The following SPHKAP variants were observed in gnomAD, a reference collection of about 807,000 sequenced individuals.
The protein encoded by SPHKAP is A-kinase anchor protein SPHKAP.
Under a neutral mutation model 137.5 loss-of-function variants are expected in SPHKAP, and 67 were observed. The observed-to-expected ratio is 0.49, with a 90% CI of 0.40 to 0.60. The LOEUF (loss-of-function observed/expected upper bound fraction) is 0.60, where lower values mean the gene tolerates loss of function less well. SPHKAP is among the 20% of genes least tolerant of loss of function. The pLI, the probability that SPHKAP is intolerant of heterozygous loss-of-function variation, is 0.00. For missense variants in SPHKAP, 2,097 were observed against 2,069.3 expected, an observed-to-expected ratio of 1.01 and a Z score of -0.26; for synonymous variants, 813 against 785.3, an observed-to-expected ratio of 1.04 and a Z score of -0.59.
intron 7 of SPHKAP, among the ~76,000 whole-genome samples, chr2:228,012,392 GATCACCAT>G (rs2106200351): frequency 6.6e-6 from 1 of 152,126 alleles, no homozygotes; most frequent in South Asian, 2.1e-4. Flanking sequence ...GGGCTGGCTA[GATCACCAT>G]AATGCTTAAA....
In SPHKAP at chr2:228,053,669, T is replaced by C. The variant is rs141109486; in HGVS notation, c.247-26126A>G. ...TGAAAAACTACTGGTTGAGTCCTGG[T>C]TATGTGCCTGCTACTTCACTAAGTC... is the stretch of plus-strand genomic sequence containing the variant. On this transcript the variant is annotated intron_variant, in intron 3 of 11. Transcript: ENST00000392056. 9.2e-4 allele frequency among the ~76,000 whole-genome samples: 140 copies of C among 152,348 alleles called. 1 individual carries two copies. In the East Asian group the frequency reaches 0.014, roughly 15 times the overall value.
At chr2:228,020,984 AGGATGTTTACGGCAACCTCAGTAGTG>A (rs1348638741) in intron 6 of SPHKAP, among the ~76,000 whole-genome samples, 4 of 152,116 alleles carry the variant, frequency 2.6e-5, no homozygotes, top group Non-Finnish European at 4.4e-5. Context: ...AGGAGAAGGG[AGGATGTTTACGGCAACCTCAGTAGTG>A]GGACTTGCTG....
intron 1 of SPHKAP, among the ~76,000 whole-genome samples, chr2:228,164,268 T>C (rs530843010): frequency 6.6e-6 from 1 of 152,254 alleles, no homozygotes; most frequent in South Asian, 2.1e-4. Context: ...GCTGCACTGT[T>C]GGCTTCCCTG....
chr2:228,124,285 A>G (rs1259753564), intron 2 of SPHKAP, among the ~76,000 whole-genome samples: 1 of 151,134 alleles, frequency 6.6e-6, no homozygotes, highest in Admixed American at 6.7e-5. Flanking sequence ...ACATGCACAC[A>G]TATGTTTGTT....
At chr2:228,011,253 T>A (rs1372701120) in intron 7 of SPHKAP, among the ~76,000 whole-genome samples, 1 of 150,640 alleles carries the variant, frequency 6.6e-6, no homozygotes, top group African/African-American at 2.4e-5. Context: ...TTTAATCAGT[T>A]CACTCTTCTG....
chr2:228,170,182 G>A (rs1308375288), intron 1 of SPHKAP, among the ~76,000 whole-genome samples: 3 of 152,116 alleles, frequency 2.0e-5, no homozygotes, highest in Admixed American at 2.0e-4. Context: ...GAACAAATGA[G>A]GAAGTGCTTC....
At chr2:227,982,895 A>C (rs915743549) in intron 11 of SPHKAP, among the ~76,000 whole-genome samples, 1 of 152,198 alleles carries the variant, frequency 6.6e-6, no homozygotes, top group Non-Finnish European at 1.5e-5. Flanking sequence ...TTGCAAGACC[A>C]AGCGTGAGTC....
intron 3 of SPHKAP, among the ~76,000 whole-genome samples, chr2:228,030,517 A>G (rs1695255722): frequency 9.0e-6 from 1 of 111,466 alleles, no homozygotes; most frequent in African/African-American, 3.8e-5. Flanking sequence ...CCATCTCAAA[A>G]AAAAAAAAAA....
chr2:228,137,279 G>A (rs1699464053), intron 1 of SPHKAP, among the ~76,000 whole-genome samples: 1 of 152,188 alleles, frequency 6.6e-6, no homozygotes, highest in Admixed American at 6.5e-5. Flanking sequence ...AGTGGGAGAT[G>A]CCCAACAAGC....
intron 1 of SPHKAP, among the ~76,000 whole-genome samples, chr2:228,159,100 C>T (rs888684993): frequency 2.0e-5 from 3 of 152,174 alleles, no homozygotes; most frequent in Admixed American, 6.5e-5. Flanking sequence ...GGTCCATCCT[C>T]TCCCGACTCT....
intron 3 of SPHKAP, among the ~76,000 whole-genome samples, chr2:228,035,565 T>C (rs1355699142): frequency 3.9e-5 from 6 of 152,116 alleles, no homozygotes; most frequent in Admixed American, 6.6e-5. Context: ...AAAGAGCCTG[T>C]ATCGCCAAGT....
chr2:228,031,713 A>G (rs891200316), intron 3 of SPHKAP, among the ~76,000 whole-genome samples: 16 of 152,152 alleles, frequency 1.1e-4, no homozygotes, highest in Non-Finnish European at 1.8e-4. Context: ...GTTCACCAAG[A>G]TCTGCTGTTC....
At chr2:228,062,123 C>T (rs906066243) in intron 3 of SPHKAP, among the ~76,000 whole-genome samples, 6 of 151,538 alleles carry the variant, frequency 4.0e-5, no homozygotes, top group Admixed American at 1.3e-4. Flanking sequence ...GGACAATGAG[C>T]TTGCATTTCT....
chr2:228,110,332 TATAAA>T (rs1165714669), intron 2 of SPHKAP, among the ~76,000 whole-genome samples: 1 of 151,952 alleles, frequency 6.6e-6, no homozygotes, highest in East Asian at 1.9e-4. Flanking sequence ...TTTATAATAA[TATAAA>T]ATATAATCGC....
At chr2:228,049,097 C>A (rs916364350) in intron 3 of SPHKAP, among the ~76,000 whole-genome samples, 2 of 152,124 alleles carry the variant, frequency 1.3e-5, no homozygotes, top group Non-Finnish European at 2.9e-5. Context: ...GCTCCATATC[C>A]TTGCCCATAA....
At chr2:228,158,319 C>T (rs1347227756) in intron 1 of SPHKAP, among the ~76,000 whole-genome samples, 2 of 118,688 alleles carry the variant, frequency 1.7e-5, no homozygotes, top group Non-Finnish European at 3.5e-5. Flanking sequence ...TTGTAATTTA[C>T]TTCTTTCTTT....
At chr2:228,027,873 G>A (rs1695110055) in intron 3 of SPHKAP, 2 of 326,878 alleles carry the variant, frequency 6.1e-6, no homozygotes, top group Non-Finnish European at 8.7e-6. Flanking sequence ...GGCTGAGGCA[G>A]GAGAATTGCT....
intron 3 of SPHKAP, among the ~76,000 whole-genome samples, chr2:228,092,579 AT>A (rs1697837091): frequency 7.0e-6 from 1 of 143,124 alleles, no homozygotes; most frequent in Non-Finnish European, 1.5e-5. Flanking sequence ...ATATGTGTAT[AT>A]TATATGTGTA....
intron 1 of SPHKAP, among the ~76,000 whole-genome samples, chr2:228,143,814 C>A (rs1699683100): frequency 6.6e-6 from 1 of 151,910 alleles, no homozygotes; most frequent in African/African-American, 2.4e-5. Context: ...CCATTCAGGT[C>A]ATTTCCGTTC....
Sources: allele counts gnomAD v4.1 joint callset (sites outside exome capture counted in the v4.1 genomes callset), GRCh38; gene constraint gnomAD v4.1.1; transcripts MANE v1.5; gene names NCBI Gene and HGNC (gene_info 2026-07-23, HGNC 2026-07-21).